Variants in GET1 observed in about 807,000 individuals in gnomAD.
The protein encoded by GET1 is guided entry of tail-anchored proteins factor 1.
A neutral mutation model predicts 22.6 loss-of-function variants in GET1; 20 were observed. The ratio of observed to expected loss-of-function variants is 0.89; its 90% CI spans 0.62 to 1.29. GET1 has a LOEUF of 1.29. Ranked by LOEUF, GET1 falls within the 50% of genes most tolerant of loss-of-function variation. GET1 has a pLI of 0.00. For synonymous variants in GET1, 92 were observed against 83.8 expected, an observed-to-expected ratio of 1.10 and a Z score of -0.53; for missense variants, 209 against 219.9, an observed-to-expected ratio of 0.95 and a Z score of 0.31.
intron 1 of GET1, among the ~76,000 whole-genome samples, chr21:39,390,102 G>A (rs1284593696): frequency 6.7e-6 from 1 of 150,348 alleles, no homozygotes; most frequent in African/African-American, 2.5e-5. Flanking sequence ...GCAGAGGCTG[G>A]CTGTGTAGGT....
exon 5 of GET1, chr21:39,405,978 G>T (rs747262941): frequency 6.2e-7 from 1 of 1,614,118 alleles, no homozygotes; most frequent in Non-Finnish European, 8.5e-7. Context: ...GGCTGGTGGA[G>T]GCCTGACTGG....
chr21:39,416,560 A>T (rs931247604), intron 1 of GET1, among the ~76,000 whole-genome samples: 6 of 152,098 alleles, frequency 3.9e-5, no homozygotes, highest in African/African-American at 1.4e-4. Flanking sequence ...TGGGTGCTGG[A>T]GGTGTTCATT....
chr21:39,389,285 C>T (rs909830520), intron 1 of GET1, among the ~76,000 whole-genome samples: 1 of 151,716 alleles, frequency 6.6e-6, no homozygotes, highest in African/African-American at 2.4e-5. Context: ...TTTCTTTTGT[C>T]CCCCTTTTTT....
intron 1 of GET1, chr21:39,423,521 AG>A: frequency 3.3e-6 from 5 of 1,511,418 alleles, no homozygotes; most frequent in Non-Finnish European, 4.4e-6. Context: ...GTTTATTACT[AG>A]TAAAATATAC....
intron 1 of GET1, among the ~76,000 whole-genome samples, chr21:39,381,962 C>CTCCTGACCTCAAGCCA (rs1483013020): frequency 6.6e-6 from 1 of 152,110 alleles, no homozygotes; most frequent in African/African-American, 2.4e-5. Context: ...TGGTCTCAAA[C>CTCCTGACCTCAAGCCA]TCCTGACCTC....
intron 1 of GET1, chr21:39,423,287 T>G (rs751930333): frequency 2.9e-5 from 47 of 1,608,794 alleles, no homozygotes; most frequent in Non-Finnish European, 3.9e-5. Context: ...TGAAGTTGTT[T>G]CAAAAATTGG....
rs538845073 is a variant in GET1, at chr21:39,394,489, G to A, written c.451+1209G>A. Among the ~76,000 whole-genome samples the A allele has an allele frequency of 1.4e-4, 22 of 152,232 alleles. No homozygotes were observed. In the South Asian group the frequency reaches 2.3e-3, roughly 16 times the overall value. On this transcript the variant is annotated intron_variant, in intron 4 of 4. Transcript: ENST00000649170. ...TTATAGGGTAAGCCTATTCCCACAT[G>A]TTTTAGTTTGTTAGGGTTAAGTGAA...
chr21:39,405,978 G>A, exon 5 of GET1: 1 of 1,614,118 alleles, frequency 6.2e-7, no homozygotes. Flanking sequence ...GGCTGGTGGA[G>A]GCCTGACTGG....
In GET1 at chr21:39,390,755, C is replaced by T. The variant is rs753946766; in HGVS notation, c.160C>T (p.Gln54Ter). 2.5e-6 allele frequency: 4 copies of T among 1,614,124 alleles called. No homozygotes were observed. Among genetic ancestry groups the T allele is most frequent in the Non-Finnish European group, 3.4e-6 (4 of 1,180,030 alleles). Residue 54 changes from glutamine to a stop codon, truncating the protein, a stop_gained, in exon 2 of 5, where the codon CAG becomes TAG. Transcript: ENST00000649170. LOFTEE classifies it high-confidence loss of function. The stretch of plus-strand genomic sequence containing the variant: ...GGAGTCACAGATGAGAGCGGAGATC[C>T]AGGACATGAAGCAGGAGCTCTCCAC... ...EQESQMRAEIQDMKQELSTVN... is the reference protein window; with the variant it reads ...EQESQMRAEI
chr21:39,385,768 G>A (rs1464931534), intron 1 of GET1, among the ~76,000 whole-genome samples: 1 of 151,430 alleles, frequency 6.6e-6, no homozygotes, highest in East Asian at 1.9e-4. Flanking sequence ...CAGGACTCGC[G>A]CGGGGTCAAA....
At position 39,413,543 on chromosome 21, in the gene GET1, T is replaced by C. The variant is rs114510909; in HGVS notation, c.*23+2606T>C. On this transcript the variant is annotated intron_variant, in intron 1 of 1. Coordinates refer to the GET1 transcript ENST00000478273. ...TACTCATTTGAATCATAAAATTAGT[T>C]TATTATCAGAGGTACACAAAGGGAT... Among the ~76,000 whole-genome samples, 1,511 of 152,320 alleles carry C rather than the reference T, an allele frequency of 9.9e-3. 22 individuals are homozygous for C. Among genetic ancestry groups the C allele is most frequent in the African/African-American group, 0.035 (1,438 of 41,576 alleles).
At chr21:39,395,251 T>G (rs2038563014) in intron 4 of GET1, among the ~76,000 whole-genome samples, 1 of 152,210 alleles carries the variant, frequency 6.6e-6, no homozygotes, top group Non-Finnish European at 1.5e-5. Context: ...TGAAGGATAT[T>G]TATTCCGGTC....
chr21:39,400,585 C>G (rs767647630), downstream of GET1, among the ~76,000 whole-genome samples: 10 of 152,298 alleles, frequency 6.6e-5, no homozygotes, highest in Middle Eastern at 3.4e-3. Context: ...AAGTGCTGCT[C>G]TCTTATAAGG....
intron 3 of GET1, 116 bp downstream of exon 3, chr21:39,391,952 G>T (rs917192974): frequency 7.4e-6 from 7 of 945,550 alleles, no homozygotes; most frequent in Non-Finnish European, 1.2e-5. Flanking sequence ...CTGTCGTGTC[G>T]TGTGTCCCTG....
intron 1 of GET1, chr21:39,422,413 C>G (rs1015258738): frequency 1.3e-5 from 2 of 152,580 alleles, no homozygotes; most frequent in Non-Finnish European, 2.9e-5. Context: ...ATCCAGTCAT[C>G]TCTTTAATTA....
chr21:39,392,827 CTT>C, intron 3 of GET1: 1 of 220,408 alleles, frequency 4.5e-6, no homozygotes, highest in Non-Finnish European at 9.0e-6. Context: ...TTATGGGAGA[CTT>C]TGGTTAGTTT....
chr21:39,411,695 G>A (rs201295193), intron 1 of GET1: 351 of 1,224,270 alleles, frequency 2.9e-4, no homozygotes, highest in Non-Finnish European at 3.7e-4. Context: ...AATAGATTTT[G>A]AGCAAAAGTA....
rs770897109 is a variant in GET1 at position 39,390,871 on chromosome 21, G to C, written c.268+8G>C. The C allele has an allele frequency of 2.5e-6, 4 of 1,613,894 alleles. No individual in the cohort carries two copies. The highest frequency in any genetic ancestry group is 1.7e-5 in the Admixed American group (1 of 59,992). ...ATAAGCTCAAAACCCATGGTACTGTGTCCCTTGCAGCCTGGAGGCTTCATG... is the reference window on the plus strand; with the variant it reads ...ATAAGCTCAAAACCCATGGTACTGTCTCCCTTGCAGCCTGGAGGCTTCATG... On this transcript the variant is annotated splice_region_variant and intron_variant, in intron 2 of 4. Coordinates refer to ENST00000649170, the MANE Select transcript of GET1 (RefSeq NM_004627.6).
intron 1 of GET1, chr21:39,427,662 CAAA>C (rs201955094): frequency 7.4e-5 from 7 of 94,746 alleles, no homozygotes; most frequent in Admixed American, 1.2e-4. Context: ...GACTCTGTCT[CAAA>C]AAAAAAAAAA....
Sources: gnomAD v4.1 joint callset for allele counts (sites outside exome capture counted in the v4.1 genomes callset) on GRCh38, gnomAD v4.1.1 for gene constraint, MANE v1.5 for transcripts, NCBI Gene and HGNC (gene_info 2026-07-23, HGNC 2026-07-21) for gene names.